Variants in RCC1 observed in about 807,000 individuals in gnomAD.
The protein encoded by RCC1 is regulator of chromosome condensation.
A neutral mutation model predicts 44.4 loss-of-function variants in RCC1; 11 were observed. The observed-to-expected ratio is 0.25, with a 90% CI of 0.16 to 0.41. The LOEUF (loss-of-function observed/expected upper bound fraction) is 0.41, where lower values mean the gene tolerates loss of function less well. Ranked by LOEUF, RCC1 falls within the 10% of genes least tolerant of loss-of-function variation. The pLI, the probability that RCC1 is intolerant of heterozygous loss-of-function variation, is 1.00. For missense variants in RCC1, 386 were observed against 547.1 expected, an observed-to-expected ratio of 0.71 and a Z score of 2.94; for synonymous variants, 213 against 216.5, an observed-to-expected ratio of 0.98 and a Z score of 0.14.
intron 3 of RCC1, among the ~76,000 whole-genome samples, chr1:28,513,074 CTT>C (rs930880442): frequency 4.9e-5 from 7 of 143,626 alleles, no homozygotes; most frequent in African/African-American, 1.3e-4. Flanking sequence ...CGCCCAGCCT[CTT>C]TTTTTTTTTT....
intron 3 of RCC1, chr1:28,509,153 T>G (rs1662299409): frequency 3.1e-6 from 1 of 322,708 alleles, no homozygotes; most frequent in Non-Finnish European, 6.1e-6. Context: ...CTGCTGTTTT[T>G]GTACTAAAGG....
chr1:28,509,209 ATTCATACTT>A (rs1662304778), intron 3 of RCC1: 1 of 278,870 alleles, frequency 3.6e-6, no homozygotes, highest in South Asian at 3.5e-5. Context: ...CTTTCACCTC[ATTCATACTT>A]TAAGAACCAC....
chr1:28,509,936 TGAG>T (rs917810195), intron 3 of RCC1: 2 of 152,130 alleles, frequency 1.3e-5, no homozygotes, highest in Admixed American at 1.3e-4. Context: ...CCCTAGCTGA[TGAG>T]TTGTATGAGC....
intron 4 of RCC1, chr1:28,527,238 A>G (rs1570200292): frequency 1.3e-6 from 1 of 750,822 alleles, no homozygotes; most frequent in South Asian, 1.5e-5. Flanking sequence ...TCTTCAGTGC[A>G]TGTGTGTTTT....
intron 3 of RCC1, chr1:28,510,283 T>TGGG (rs1662422153): frequency 6.6e-6 from 1 of 152,148 alleles, no homozygotes; most frequent in Admixed American, 6.6e-5. Context: ...GCTATGATTG[T>TGGG]GGGGGAACAC....
At position 28,507,414 on chromosome 1, in the gene RCC1, T is replaced by G. The variant is rs757511301; in HGVS notation, c.-261-714T>G. ...TCACTCTCCCCGGGCTCTGTCCAAG[T>G]GGCGTAGGGGAGCATAGGGCTCTGC... On this transcript the variant is annotated intron_variant, in intron 1 of 12. Transcript: ENST00000683442. The G allele has an allele frequency of 7.7e-6, 4 of 518,972 alleles. No individual in the cohort carries two copies. The East Asian group carries it at 2.2e-4, about 28-fold the overall frequency. The allele number at this position is 518,972 out of a possible 1,614,324, so 32.1% of individuals were successfully genotyped here.
chr1:28,522,846 T>TAC (rs911282572), intron 4 of RCC1, among the ~76,000 whole-genome samples: 4 of 150,982 alleles, frequency 2.6e-5, no homozygotes, highest in Admixed American at 1.3e-4. Flanking sequence ...TGTATATATA[T>TAC]ACACACACAC....
At chr1:28,513,344 C>T (rs556322832) in intron 3 of RCC1, among the ~76,000 whole-genome samples, 119 of 152,140 alleles carry the variant, frequency 7.8e-4, no homozygotes, top group Non-Finnish European at 7.1e-4. Flanking sequence ...ACAGCATGCA[C>T]CACCATGCCT....
At position 28,536,916 on chromosome 1, in the gene RCC1, A is replaced by G. The variant is rs779740288; in HGVS notation, c.1090+17A>G. On this transcript the variant is annotated intron_variant, in intron 12 of 12. Coordinates refer to ENST00000683442, the MANE Select transcript of RCC1 (RefSeq NM_001381865.2). This position sits in a 1 kb window ranked among gnomAD's most constrained non-coding sequence, Gnocchi z 4.9. ...CCAAGGATGGTGAGTGGGGCTGCCTACACTCTGTCTAGTTGGGACCTGGGG... is the reference window on the plus strand; with the variant it reads ...CCAAGGATGGTGAGTGGGGCTGCCTGCACTCTGTCTAGTTGGGACCTGGGG... 2.5e-6 allele frequency: 4 copies of G among 1,612,538 alleles called. No homozygotes were observed. Among genetic ancestry groups the G allele is most frequent in the African/African-American group, 2.7e-5 (2 of 74,470 alleles).
chr1:28,535,696 A>C, intron 9 of RCC1, 175 bp from the exon 10 acceptor site: 1 of 806,846 alleles, frequency 1.2e-6, no homozygotes, highest in Non-Finnish European at 2.1e-6. Flanking sequence ...GACTGTGGGA[A>C]TCTGAGCAAG....
At chr1:28,523,156 C>G (rs978619550) in intron 4 of RCC1, among the ~76,000 whole-genome samples, 1 of 151,464 alleles carries the variant, frequency 6.6e-6, no homozygotes, top group African/African-American at 2.4e-5. Context: ...CTCAGCCTCC[C>G]GAGTAGCTAG....
At chr1:28,526,959 C>G in intron 4 of RCC1, 1 of 862,338 alleles carries the variant, frequency 1.2e-6, no homozygotes, top group Non-Finnish European at 2.0e-6. Context: ...TATTTCCCCT[C>G]AAAGTCATCA....
At chr1:28,510,860 G>C (rs1662482314) in intron 3 of RCC1, 1 of 152,228 alleles carries the variant, frequency 6.6e-6, no homozygotes, top group African/African-American at 2.4e-5. Context: ...TAACTACATA[G>C]ATCTCACCTG....
At chr1:28,508,374 CT>C (rs1662202867) in intron 2 of RCC1, 2 of 353,754 alleles carry the variant, frequency 5.7e-6, no homozygotes, top group East Asian at 7.4e-5. Flanking sequence ...GTAAAAATTG[CT>C]TTTTTTAGTC....
intron 7 of RCC1, among the ~76,000 whole-genome samples, chr1:28,533,852 T>A (rs1439153470): frequency 8.1e-5 from 1 of 12,310 alleles, no homozygotes; most frequent in Non-Finnish European, 1.4e-4. Flanking sequence ...TTTCTTTTTT[T>A]TTTTTTTTTT....
In RCC1 at chr1:28,538,221, AG is replaced by A. The variant is rs1557426611; in HGVS notation, c.*219del. ...CTACAGAATAAAGGGGGGGATGGAC[AG>A]GGGGTTTTCAAAAGGAACATGGCTC... On this transcript the variant is annotated 3_prime_UTR_variant, in exon 13 of 13. Transcript: ENST00000683442. 2.2e-6 allele frequency: 1 copy of A among 455,860 alleles called. No homozygotes were observed. Among genetic ancestry groups the A allele is most frequent in the Non-Finnish European group, 3.9e-6 (1 of 256,402 alleles). The allele number at this position is 455,860 out of a possible 1,614,324, so 28.2% of individuals were successfully genotyped here.
At chr1:28,537,196 C>A (rs1454481518) in intron 12 of RCC1, among the ~76,000 whole-genome samples, 1 of 152,124 alleles carries the variant, frequency 6.6e-6, no homozygotes, top group Admixed American at 6.5e-5. Context: ...AGACTCCTAA[C>A]CCAGGCTGCT....
chr1:28,531,013 C>T (rs1390179420), intron 5 of RCC1, among the ~76,000 whole-genome samples: 1 of 152,134 alleles, frequency 6.6e-6, no homozygotes, highest in Non-Finnish European at 1.5e-5. Context: ...GTGGCTCACG[C>T]CTGTCAGAAG....
rs115561932 is a variant in RCC1 at position 28,527,033 on chromosome 1, G to C, written c.-9-2825G>C. 746 of 815,838 alleles carry C rather than the reference G, an allele frequency of 9.1e-4. 3 individuals carry two copies. In the African/African-American group the frequency reaches 0.011, roughly 12 times the overall value. 50.5% of individuals were successfully genotyped at this position (815,838 alleles called of 1,614,324 possible). On this transcript the variant is annotated intron_variant, in intron 4 of 12. Transcript: ENST00000683442. ...ACCCTTAAAATAGGGCGCATGCTGG[G>C]TGACATCAGGTGCATGGTATGAGGA...
Sources: allele counts gnomAD v4.1 joint callset (sites outside exome capture counted in the v4.1 genomes callset), GRCh38; gene constraint gnomAD v4.1.1; non-coding constraint Gnocchi (gnomAD v3.1); transcripts MANE v1.5; gene names NCBI Gene and HGNC (gene_info 2026-07-23, HGNC 2026-07-21).